Variants in PRR23E observed in about 807,000 individuals in gnomAD.
The protein encoded by PRR23E is proline-rich protein 23E.
At chr3:127,194,055 T>C in the PRR23E span, among the ~76,000 whole-genome samples, 2 of 152,224 alleles carry the variant, frequency 1.3e-5, no homozygotes, top group Non-Finnish European at 2.9e-5. Context: ...TTTTGTGGTT[T>C]GTCTTTTGAT....
the PRR23E span, chr3:127,196,945 T>C: frequency 6.3e-7 from 1 of 1,599,472 alleles, no homozygotes; most frequent in Non-Finnish European, 8.5e-7. Flanking sequence ...GGTGGGTATC[T>C]CTGGATGGGT....
At chr3:127,197,651 C>T in the PRR23E span, 9 of 391,804 alleles carry the variant, frequency 2.3e-5, no homozygotes, top group Non-Finnish European at 4.0e-5. Flanking sequence ...CCAGACTGTC[C>T]TGGGCCCGCC....
the PRR23E span, chr3:127,197,315 G>A: frequency 6.3e-7 from 1 of 1,597,878 alleles, no homozygotes; most frequent in Non-Finnish European, 8.5e-7. Flanking sequence ...TCCGCCCTCT[G>A]CCCCCTTCCC....
At chr3:127,194,955 C>T in the PRR23E span, among the ~76,000 whole-genome samples, 1 of 152,284 alleles carries the variant, frequency 6.6e-6, no homozygotes, top group African/African-American at 2.4e-5. Context: ...TGACCTTGCC[C>T]ACGTTTCCAT....
At chr3:127,197,127 G>T in the PRR23E span, 64 of 1,596,134 alleles carry the variant, frequency 4.0e-5, no homozygotes, top group Non-Finnish European at 4.9e-5. Flanking sequence ...TCTGGGCGGG[G>T]CCACCTCCAG....
chr3:127,194,447 C>G, the PRR23E span, among the ~76,000 whole-genome samples: 2 of 152,212 alleles, frequency 1.3e-5, no homozygotes, highest in African/African-American at 4.8e-5. Flanking sequence ...AGAGGATGAT[C>G]TGAACTTGCA....
chr3:127,194,245 A>G, the PRR23E span, among the ~76,000 whole-genome samples: 1 of 152,144 alleles, frequency 6.6e-6, no homozygotes, highest in Non-Finnish European at 1.5e-5. Context: ...GGGGTGTCCA[A>G]TCTTTTGGCT....
chr3:127,196,152 G>T, the PRR23E span, among the ~76,000 whole-genome samples: 1 of 152,208 alleles, frequency 6.6e-6, no homozygotes, highest in Non-Finnish European at 1.5e-5. Flanking sequence ...CAAGGATGAA[G>T]TGCTCCGGGA....
At chr3:127,196,584 C>T in the PRR23E span, 1 of 1,446,314 alleles carries the variant, frequency 6.9e-7, no homozygotes, top group Admixed American at 2.6e-5. Flanking sequence ...GTCTGCTCAC[C>T]CCACAGATAC....
At chr3:127,197,167 C>A in the PRR23E span, 1 of 1,590,712 alleles carries the variant, frequency 6.3e-7, no homozygotes, top group South Asian at 1.1e-5. Flanking sequence ...TGCTGGACTC[C>A]AGCCAGCTCA....
the PRR23E span, chr3:127,197,341 A>T: frequency 6.3e-7 from 1 of 1,596,460 alleles, no homozygotes; most frequent in South Asian, 1.1e-5. Flanking sequence ...GAAGATTCTC[A>T]GCTGGACCCG....
At chr3:127,196,566 G>T in the PRR23E span, 1 of 1,425,718 alleles carries the variant, frequency 7.0e-7, no homozygotes, top group South Asian at 1.5e-5. Context: ...CCTGCCCTCT[G>T]ACTGGCTGTC....
chr3:127,196,926 G>C, the PRR23E span: 2 of 1,599,338 alleles, frequency 1.3e-6, no homozygotes, highest in African/African-American at 2.7e-5. Flanking sequence ...TTACCCGTGG[G>C]TGCTCTATGG....
chr3:127,195,522 C>G, the PRR23E span, among the ~76,000 whole-genome samples: 2 of 152,206 alleles, frequency 1.3e-5, no homozygotes, highest in Non-Finnish European at 2.9e-5. Context: ...CTGCTCAGCT[C>G]CTGACTCCAA....
the PRR23E span, among the ~76,000 whole-genome samples, chr3:127,195,452 C>T: frequency 1.3e-5 from 2 of 152,070 alleles, no homozygotes; most frequent in African/African-American, 4.8e-5. Flanking sequence ...CTTGTCTCTG[C>T]CCCCAGGAAG....
At chr3:127,194,384 T>C in the PRR23E span, among the ~76,000 whole-genome samples, 6 of 152,174 alleles carry the variant, frequency 3.9e-5, no homozygotes, top group Non-Finnish European at 8.8e-5. Flanking sequence ...TACGAATTTG[T>C]GTTGGGCCAT....
the PRR23E span, among the ~76,000 whole-genome samples, chr3:127,196,128 G>A: frequency 1.3e-5 from 2 of 152,156 alleles, no homozygotes; most frequent in African/African-American, 4.8e-5. Flanking sequence ...CTGCTTTGTG[G>A]GGCAAGCATC....
At chr3:127,194,148 T>C in the PRR23E span, among the ~76,000 whole-genome samples, 1 of 152,218 alleles carries the variant, frequency 6.6e-6, no homozygotes, top group Non-Finnish European at 1.5e-5. Context: ...TGTATTTTCT[T>C]GTCTTGGTAT....
the PRR23E span, chr3:127,197,597 T>C: frequency 2.1e-6 from 1 of 471,994 alleles, no homozygotes; most frequent in Non-Finnish European, 3.5e-6. Flanking sequence ...TACTTTGTTT[T>C]TCTGTTTGCC....
Sources: gnomAD v4.1 joint callset for allele counts (sites outside exome capture counted in the v4.1 genomes callset) on GRCh38, gnomAD v4.1.1 for gene constraint, MANE v1.5 for transcripts, NCBI Gene and HGNC (gene_info 2026-07-23, HGNC 2026-07-21) for gene names.